ASS1: variants seen among roughly 807,000 people sequenced by gnomAD.
The protein encoded by ASS1 is argininosuccinate synthase 1, also known as argininosuccinate synthase.
Under a neutral mutation model 60.5 loss-of-function variants are expected in ASS1, and 58 were observed. The ratio of observed to expected loss-of-function variants is 0.96; its 90% confidence interval spans 0.78 to 1.19. ASS1 has a LOEUF of 1.19. ASS1 is among the 50% of genes most tolerant of loss of function. The pLI is 0.00. For missense variants in ASS1, 454 were observed against 547.3 expected (o/e 0.83, Z 1.70); for synonymous variants, 200 against 206.9 (o/e 0.97, Z 0.29).
Position 130,479,962 on chromosome 9 carries a change from A to C in ASS1, c.773+162A>C, listed in dbSNP as rs1420333897. ...AGAGTTTCCCGGACCAGGGGGACCC[A>C]TTTGGCAGGAGAGGCTCCGTGGTCC... On this transcript the variant is annotated intron_variant, in intron 10 of 14. Coordinates refer to ENST00000352480, the MANE Select transcript of ASS1 (RefSeq NM_054012.4). The C allele has an allele frequency of 4.5e-6, 4 of 881,454 alleles. No homozygotes were observed. In the Admixed American group the frequency reaches 7.3e-5, roughly 16 times the overall value. The allele number at this position is 881,454 out of a possible 1,614,324, so 54.6% of individuals were successfully genotyped here. A position where few individuals can be genotyped will look rare whatever the true frequency, so the allele number is the denominator to read the frequency against.
intron 1 of ASS1, among the ~76,000 whole-genome samples, chr9:130,446,020 T>G (rs1346548302): frequency 6.6e-6 from 1 of 152,122 alleles, no homozygotes; most frequent in Non-Finnish European, 1.5e-5. Context: ...TTTCTTTTCT[T>G]TCTAAAAATT....
chr9:130,497,739 G>A (rs1014163938), intron 13 of ASS1, among the ~76,000 whole-genome samples: 4 of 152,272 alleles, frequency 2.6e-5, no homozygotes, highest in South Asian at 2.1e-4. Context: ...GGAGGTGAAG[G>A]GACAGATGGA....
intron 11 of ASS1, among the ~76,000 whole-genome samples, chr9:130,485,610 C>CA (rs745808366): frequency 2.0e-5 from 3 of 152,162 alleles, no homozygotes; most frequent in Non-Finnish European, 4.4e-5. Flanking sequence ...CCGGCCTACC[C>CA]AGGATGGCGC....
intron 4 of ASS1, among the ~76,000 whole-genome samples, chr9:130,460,574 A>G (rs1244484275): frequency 6.6e-6 from 1 of 152,050 alleles, no homozygotes; most frequent in Non-Finnish European, 1.5e-5. Context: ...AGAGTGTGAG[A>G]GGCAGAGGGA....
Position 130,501,212 on chromosome 9 carries a change from G to T in ASS1, c.*191G>T. The T allele has an allele frequency of 1.6e-6, 1 of 634,952 alleles. No individual in the cohort carries two copies. The highest frequency in any genetic ancestry group is 1.8e-5 in the South Asian group (1 of 56,700). 39.3% of individuals were successfully genotyped at this position (634,952 alleles called of 1,614,324 possible). A position where few individuals can be genotyped will look rare whatever the true frequency, so the allele number is the denominator to read the frequency against. ...CGTTGTCATCGAAGGGAAGGGTGGG[G>T]GGCAGCTGCGGTGGGGAGCTATAAA... On this transcript the variant is annotated 3_prime_UTR_variant, in exon 15 of 15. Transcript: ENST00000352480.
intron 6 of ASS1, 97 bp downstream of exon 6, chr9:130,466,896 G>A (rs1041019215): frequency 1.3e-5 from 18 of 1,379,972 alleles, no homozygotes; most frequent in African/African-American, 8.6e-5. Context: ...GGCCTAGGCC[G>A]GGACTGACCC....
At chr9:130,474,422 G>A (rs1012226595) in intron 8 of ASS1, among the ~76,000 whole-genome samples, 1 of 152,108 alleles carries the variant, frequency 6.6e-6, no homozygotes, top group African/African-American at 2.4e-5. Context: ...GGGAGAGAAA[G>A]TGACAAGCAA....
intron 5 of ASS1, among the ~76,000 whole-genome samples, 180 bp downstream of exon 5, chr9:130,464,347 GAC>G (rs1355517543): frequency 6.6e-6 from 1 of 152,186 alleles, no homozygotes; most frequent in African/African-American, 2.4e-5. Context: ...AGCTCCAGGG[GAC>G]ACACTTTCTT....
At chr9:130,465,512 T>C (rs890357455) in intron 5 of ASS1, among the ~76,000 whole-genome samples, 20 of 152,248 alleles carry the variant, frequency 1.3e-4, no homozygotes, top group African/African-American at 4.3e-4. Flanking sequence ...TGCAGGCATG[T>C]CTCGCTAGCT....
rs775679382 is a variant in ASS1, at chr9:130,445,090, G to C, written c.-6+95G>C. 7.5e-4 allele frequency: 713 copies of C among 945,442 alleles called. 1 individual carries two copies. Among genetic ancestry groups the C allele is most frequent in the Middle Eastern group, 1.1e-3 (2 of 1,884 alleles). 58.6% of individuals were successfully genotyped at this position (945,442 alleles called of 1,614,324 possible). A position where few individuals can be genotyped will look rare whatever the true frequency, so the allele number is the denominator to read the frequency against. ...AGGAGGCGTAGAAGACGCCCGCCCC[G>C]GGGCCCGCGGAGGCAGAGGGCGGAC... On this transcript the variant is annotated intron_variant, in intron 1 of 14. Coordinates refer to ENST00000352480, the MANE Select transcript of ASS1 (RefSeq NM_054012.4).
At chr9:130,483,809 T>A (rs1846232009) in intron 11 of ASS1, among the ~76,000 whole-genome samples, 1 of 150,636 alleles carries the variant, frequency 6.6e-6, no homozygotes, top group Non-Finnish European at 1.5e-5. Flanking sequence ...CCTTTCCTCC[T>A]CCTTCCCCTC....
At position 130,489,286 on chromosome 9, in the gene ASS1, G is replaced by A. The variant is rs190949829; in HGVS notation, c.839-47G>A. 78 of 1,608,636 alleles carry A rather than the reference G, an allele frequency of 4.8e-5. No homozygotes were observed. Among genetic ancestry groups the A allele is most frequent in the South Asian group, 4.6e-4 (42 of 90,830 alleles). The stretch of plus-strand genomic sequence containing the variant: ...TTTGCTGACAGTTTGGGTTTCATGC[G>A]TTTCTCTCTTTTTTCTCCTTTTCCC... On this transcript the variant is annotated intron_variant, in intron 11 of 14. Transcript: ENST00000352480. The surrounding 1 kb of genome is among the most constrained non-coding windows in gnomAD (Gnocchi z 4.1).
chr9:130,495,133 C>A, intron 13 of ASS1, 110 bp downstream of exon 13: 2 of 1,411,326 alleles, frequency 1.4e-6, no homozygotes, highest in Non-Finnish European at 1.9e-6. Flanking sequence ...ATGCAGAGCA[C>A]AGAGTGATGG....
rs1846460196 is a variant in ASS1 at position 130,491,893 on chromosome 9, C to G, written c.970+2429C>G. The stretch of plus-strand genomic sequence containing the variant: ...CACAAACATCAAGATCGGCCTCGGG[C>G]AGCAGGCTGACCCCCACAGCTCAGA... On this transcript the variant is annotated intron_variant, in intron 12 of 14. Coordinates refer to ENST00000352480, the MANE Select transcript of ASS1 (RefSeq NM_054012.4). This position sits in a 1 kb window ranked among gnomAD's most constrained non-coding sequence, Gnocchi z 5.3. Among the ~76,000 whole-genome samples the G allele has an allele frequency of 6.6e-6, 1 of 152,190 alleles. No homozygotes were observed. Among genetic ancestry groups the G allele is most frequent in the African/African-American group, 2.4e-5 (1 of 41,454 alleles).
chr9:130,449,213 C>A (rs575469359), intron 1 of ASS1, among the ~76,000 whole-genome samples: 2 of 152,092 alleles, frequency 1.3e-5, no homozygotes, highest in East Asian at 3.9e-4. Flanking sequence ...TGCCTGTAGT[C>A]CCAGCTACTT....
At chr9:130,462,285 G>A (rs1426328730) in intron 4 of ASS1, among the ~76,000 whole-genome samples, 2 of 152,218 alleles carry the variant, frequency 1.3e-5, no homozygotes, top group African/African-American at 4.8e-5. Flanking sequence ...CAGTCCCAGT[G>A]GGACCGTGTT....
chr9:130,465,709 G>T (rs760092181), intron 5 of ASS1, among the ~76,000 whole-genome samples: 1 of 152,230 alleles, frequency 6.6e-6, no homozygotes, highest in African/African-American at 2.4e-5. Flanking sequence ...CTCTTTCCCC[G>T]TCCCTTTAAC....
At position 130,478,913 on chromosome 9, in the gene ASS1, T is replaced by C. The variant is rs918342939; in HGVS notation, c.689-803T>C. 5.9e-5 allele frequency among the ~76,000 whole-genome samples: 9 copies of C among 152,202 alleles called. No homozygotes were observed. Among genetic ancestry groups the C allele is most frequent in the African/African-American group, 1.4e-4 (6 of 41,454 alleles). On this transcript the variant is annotated intron_variant, in intron 9 of 14. Coordinates refer to ENST00000352480, the MANE Select transcript of ASS1 (RefSeq NM_054012.4). The surrounding 1 kb of genome is among the most constrained non-coding windows in gnomAD (Gnocchi z 4.7). ...CTCGAAAGCCGCTATTGAGGCCTGATTGGCACCCGATGGCTCGCTCCATGG... is the reference window on the plus strand; with the variant it reads ...CTCGAAAGCCGCTATTGAGGCCTGACTGGCACCCGATGGCTCGCTCCATGG...
intron 8 of ASS1, among the ~76,000 whole-genome samples, chr9:130,473,288 G>T (rs1367342187): frequency 6.6e-6 from 1 of 152,118 alleles, no homozygotes; most frequent in Non-Finnish European, 1.5e-5. Context: ...CCCTCCTAGG[G>T]CATCTAAAGC....
Sources: gnomAD v4.1 joint callset for allele counts (sites outside exome capture counted in the v4.1 genomes callset) on GRCh38, gnomAD v4.1.1 for gene constraint, Gnocchi (gnomAD v3.1) non-coding constraint, MANE v1.5 for transcripts, NCBI Gene and HGNC (gene_info 2026-07-23, HGNC 2026-07-21) for gene names.